The following LPP variants were observed in gnomAD, a reference collection of about 807,000 sequenced individuals.
The protein encoded by LPP is LIM domain containing preferred translocation partner in lipoma, also known as lipoma-preferred partner.
LPP carries 38 observed loss-of-function variants against 60.4 expected under a neutral mutation model. That is an observed-to-expected ratio of 0.63 (90% CI 0.49 to 0.83). The LOEUF (loss-of-function observed/expected upper bound fraction) is 0.83. Among genes scored for constraint, LPP ranks in the 40% least tolerant of loss-of-function variants. The probability of loss-of-function intolerance (pLI) is 0.00; values close to 1 mark genes in which losing one functional copy is unlikely to be tolerated. For synonymous variants in LPP, 328 were observed against 290.8 expected (o/e 1.13, Z -1.30); for missense variants, 902 against 783.6 (o/e 1.15, Z -1.80).
intron 2 of LPP, among the ~76,000 whole-genome samples, chr3:188,291,362 G>T (rs981075477): frequency 6.6e-6 from 1 of 152,118 alleles, no homozygotes. Flanking sequence ...GACATTGGCC[G>T]GGCGTGGTGG....
chr3:188,837,192 C>T lies in LPP; in HGVS notation c.1411-29008C>T, dbSNP rs140397348. Among the ~76,000 whole-genome samples, 1,259 of 151,828 alleles carry T rather than the reference C, an allele frequency of 8.3e-3. 18 individuals are homozygous for T. Among genetic ancestry groups the T allele is most frequent in the African/African-American group, 0.029 (1,186 of 41,366 alleles). ...GTCAGGAGTTCGAGACCAGCCTGGC[C>T]AATATGGTGAAACCTGTCTCTACTA... On this transcript the variant is annotated intron_variant, in intron 9 of 11. Transcript: ENST00000617246.
chr3:188,326,224 G>C (rs748217942), intron 2 of LPP, among the ~76,000 whole-genome samples: 1 of 152,294 alleles, frequency 6.6e-6, no homozygotes, highest in East Asian at 1.9e-4. Context: ...TTCTTTGTGC[G>C]CACGCTGGTG....
At chr3:188,403,418 A>T (rs1782696854) in intron 3 of LPP, among the ~76,000 whole-genome samples, 1 of 152,232 alleles carries the variant, frequency 6.6e-6, no homozygotes, top group African/African-American at 2.4e-5. Flanking sequence ...CTTTAGATTT[A>T]TAGAGACCTT....
intron 1 of LPP, among the ~76,000 whole-genome samples, chr3:188,178,097 A>G (rs901981612): frequency 6.6e-6 from 1 of 152,188 alleles, no homozygotes; most frequent in African/African-American, 2.4e-5. Context: ...TCTCACTTGG[A>G]CAGGTAGTCA....
intron 6 of LPP, among the ~76,000 whole-genome samples, chr3:188,558,395 T>C (rs553349587): frequency 6.6e-5 from 10 of 152,198 alleles, no homozygotes; most frequent in Admixed American, 2.6e-4. Flanking sequence ...ATTTTTTACC[T>C]GAGGAGCTGC....
chr3:188,235,589 T>A (rs1242656784), intron 2 of LPP, among the ~76,000 whole-genome samples: 1 of 152,208 alleles, frequency 6.6e-6, no homozygotes, highest in Non-Finnish European at 1.5e-5. Context: ...ATTGTTCCTT[T>A]CTCCATAATC....
intron 4 of LPP, among the ~76,000 whole-genome samples, chr3:188,443,423 G>A (rs889818041): frequency 6.6e-6 from 1 of 152,158 alleles, no homozygotes; most frequent in Admixed American, 6.5e-5. Flanking sequence ...GTTATCTTAC[G>A]CTATTGAACC....
chr3:188,745,748 C>T (rs1359883750), intron 8 of LPP, among the ~76,000 whole-genome samples: 1 of 152,156 alleles, frequency 6.6e-6, no homozygotes, highest in African/African-American at 2.4e-5. Context: ...GGGCTCCAGG[C>T]AATCACCACT....
chr3:188,224,516 A>G (rs1716994211), intron 1 of LPP, among the ~76,000 whole-genome samples: 1 of 152,198 alleles, frequency 6.6e-6, no homozygotes, highest in Non-Finnish European at 1.5e-5. Context: ...GTATTAGGCT[A>G]TTCTAGCATT....
chr3:188,738,347 C>T (rs1264652371), intron 8 of LPP, among the ~76,000 whole-genome samples: 1 of 152,108 alleles, frequency 6.6e-6, no homozygotes, highest in Non-Finnish European at 1.5e-5. Flanking sequence ...TCCTCAGCAA[C>T]TCTAATTTAA....
chr3:188,341,691 C>A lies in LPP; in HGVS notation c.-38C>A. The A allele has an allele frequency of 1.0e-6, 1 of 985,164 alleles. No individual in the cohort carries two copies. The highest frequency in any genetic ancestry group is 1.2e-6 in the Non-Finnish European group (1 of 829,746). 61.0% of individuals were successfully genotyped at this position (985,164 alleles called of 1,614,324 possible). On this transcript the variant is annotated 5_prime_UTR_variant, in exon 3 of 12. Transcript: ENST00000617246. ...TGCAGTTGGCTGAACCTTGTGTCAACCATCCATTCCAGGAGCCAGCTATCT... is the reference window on the plus strand; with the variant it reads ...TGCAGTTGGCTGAACCTTGTGTCAAACATCCATTCCAGGAGCCAGCTATCT...
At chr3:188,616,965 C>G (rs1259295011) in intron 7 of LPP, among the ~76,000 whole-genome samples, 1 of 152,080 alleles carries the variant, frequency 6.6e-6, no homozygotes, top group Non-Finnish European at 1.5e-5. Flanking sequence ...AATAGTTGTA[C>G]TAGCTTCTTT....
At chr3:188,366,748 A>G (rs1055346883) in intron 3 of LPP, among the ~76,000 whole-genome samples, 1 of 152,286 alleles carries the variant, frequency 6.6e-6, no homozygotes, top group Non-Finnish European at 1.5e-5. Flanking sequence ...GAATCTGTTT[A>G]GCTCACATGC....
intron 9 of LPP, among the ~76,000 whole-genome samples, chr3:188,851,731 C>T (rs957559975): frequency 5.9e-5 from 9 of 152,142 alleles, no homozygotes; most frequent in Admixed American, 2.6e-4. Context: ...TCCTAGTCTT[C>T]GAAGAGTTTA....
chr3:188,532,673 G>C lies in LPP; in HGVS notation c.429+7886G>C, dbSNP rs186912882. Among the ~76,000 whole-genome samples the C allele has an allele frequency of 4.9e-4, 75 of 152,248 alleles. No individual in the cohort carries two copies. In the East Asian group the frequency reaches 0.013, roughly 26 times the overall value. ...TTGTGTGAACCTGTCCATGTTACCA[G>C]TTTGTGCTTCCTTTTGGTTATTTCA... On this transcript the variant is annotated intron_variant, in intron 6 of 11. Transcript: ENST00000617246.
rs142369649 is a variant in LPP, at chr3:188,531,622, G to C, written c.429+6835G>C. On this transcript the variant is annotated intron_variant, in intron 6 of 11. Transcript: ENST00000617246. ...ATAAAAATCCCTGAAGTGCAGAGAG[G>C]TTTCAGGTTGTTAAGCACATCTTTA... is the stretch of plus-strand genomic sequence containing the variant. Among the ~76,000 whole-genome samples the C allele has an allele frequency of 1.2e-3, 179 of 152,168 alleles. 2 individuals are homozygous for C. The East Asian group carries it at 0.012, about 11-fold the overall frequency.
At chr3:188,512,589 A>AAATAAATAAAT in intron 5 of LPP, among the ~76,000 whole-genome samples, 1 of 151,622 alleles carries the variant, frequency 6.6e-6, no homozygotes, top group African/African-American at 2.4e-5. Flanking sequence ...ATAAATAAAT[A>AAATAAATAAAT]AATAAAGTTC....
At chr3:188,853,958 A>C (rs1463951745) in intron 9 of LPP, among the ~76,000 whole-genome samples, 1 of 152,082 alleles carries the variant, frequency 6.6e-6, no homozygotes, top group East Asian at 1.9e-4. Context: ...TGAGAAATTC[A>C]TACCTTTTTC....
intron 9 of LPP, among the ~76,000 whole-genome samples, chr3:188,760,708 C>G (rs1415391556): frequency 6.6e-6 from 1 of 152,198 alleles, no homozygotes; most frequent in Non-Finnish European, 1.5e-5. Flanking sequence ...TACAGAATCT[C>G]TGGACTTGTC....
Sources: allele counts gnomAD v4.1 joint callset (sites outside exome capture counted in the v4.1 genomes callset), GRCh38; gene constraint gnomAD v4.1.1; transcripts MANE v1.5; gene names NCBI Gene and HGNC (gene_info 2026-07-23, HGNC 2026-07-21).